Variants in PCDHGA4 observed in about 807,000 individuals in gnomAD.
PCDHGA4 encodes protocadherin gamma subfamily A, 4.
Under a neutral mutation model 54.6 loss-of-function variants are expected in PCDHGA4, and 38 were observed. That is an observed-to-expected ratio of 0.70 (90% CI 0.54 to 0.91). PCDHGA4 has a LOEUF of 0.91. Ranked by LOEUF, PCDHGA4 falls within the 40% of genes least tolerant of loss-of-function variation. The pLI is 0.00. For missense variants in PCDHGA4, 1,298 were observed against 1,220.9 expected, an observed-to-expected ratio of 1.06 and a Z score of -0.94; for synonymous variants, 511 against 512.9, an observed-to-expected ratio of 1.00 and a Z score of 0.05.
intron 1 of PCDHGA4, chr5:141,398,702 C>G: frequency 6.2e-7 from 1 of 1,613,832 alleles, no homozygotes; most frequent in Non-Finnish European, 8.5e-7. Flanking sequence ...AGTAAATACC[C>G]GGAACTGGCA....
At chr5:141,384,048 C>T in intron 1 of PCDHGA4, 2 of 1,611,890 alleles carry the variant, frequency 1.2e-6, no homozygotes, top group Non-Finnish European at 1.7e-6. Context: ...GTGAGGTGAC[C>T]TGCACCATTC....
In PCDHGA4 at chr5:141,485,867, G is replaced by T; in HGVS notation, c.2515-8940G>T. The T allele has an allele frequency of 6.2e-7, 1 of 1,614,164 alleles. No homozygotes were observed. Among genetic ancestry groups the T allele is most frequent in the Non-Finnish European group, 8.5e-7 (1 of 1,180,040 alleles). On this transcript the variant is annotated intron_variant, in intron 1 of 3. Transcript: ENST00000571252. The surrounding 1 kb of genome is among the most constrained non-coding windows in gnomAD (Gnocchi z 5.7). ...TGGCACCGCAGAGCTCCGGGTATCC[G>T]TGCTGGACGTAAACGACAACGCCCC...
chr5:141,410,796 G>T, intron 1 of PCDHGA4: 19 of 640,732 alleles, frequency 3.0e-5, no homozygotes, highest in South Asian at 1.4e-4. Flanking sequence ...TTCATAAGTT[G>T]CTCTATCTTT....
chr5:141,407,158 G>A (rs2094893881), intron 1 of PCDHGA4, among the ~76,000 whole-genome samples: 1 of 152,166 alleles, frequency 6.6e-6, no homozygotes, highest in African/African-American at 2.4e-5. Flanking sequence ...AAGTGTCTGG[G>A]AATCCTTTAT....
intron 1 of PCDHGA4, chr5:141,365,399 T>C: frequency 1.2e-6 from 2 of 1,614,008 alleles, no homozygotes; most frequent in Non-Finnish European, 1.7e-6. Context: ...CAGTTCGATC[T>C]CTGAAGACTG....
intron 1 of PCDHGA4, chr5:141,374,736 G>A (rs1770792620): frequency 1.9e-6 from 3 of 1,611,042 alleles, no homozygotes; most frequent in Non-Finnish European, 1.7e-6. Context: ...ATGGATGGCG[G>A]CGACCCTGTC....
At position 141,409,955 on chromosome 5, in the gene PCDHGA4, G is replaced by A. The variant is rs946959934; in HGVS notation, c.2514+52334G>A. On this transcript the variant is annotated intron_variant, in intron 1 of 3. Coordinates refer to ENST00000571252, the MANE Select transcript of PCDHGA4 (RefSeq NM_018917.4). ...TATGGTACCTCGCTCTGCAGAGCCC[G>A]GCTACCTAGTGACTAAGGTGGTAGC... is the stretch of plus-strand genomic sequence containing the variant. The A allele has an allele frequency of 2.8e-5, 45 of 1,613,234 alleles. No individual in the cohort carries two copies. The highest frequency in any genetic ancestry group is 3.6e-5 in the Non-Finnish European group (42 of 1,179,814).
Position 141,486,793 on chromosome 5 carries a change from G to C in PCDHGA4, c.2515-8014G>C. ...AGTTTGAGGTGCAGGCCCGGGATCG[G>C]GGCAACCCACCCCTTAGCAGCACTG... is the stretch of plus-strand genomic sequence containing the variant. On this transcript the variant is annotated intron_variant, in intron 1 of 3. Transcript: ENST00000571252. This position sits in a 1 kb window ranked among gnomAD's most constrained non-coding sequence, Gnocchi z 5.0. 6.2e-7 allele frequency: 1 copy of C among 1,614,244 alleles called. No homozygotes were observed. Among genetic ancestry groups the C allele is most frequent in the Non-Finnish European group, 8.5e-7 (1 of 1,180,050 alleles).
At chr5:141,398,818 C>G in intron 1 of PCDHGA4, 1 of 1,613,958 alleles carries the variant, frequency 6.2e-7, no homozygotes. Flanking sequence ...GCTCCGGATC[C>G]AGGTAACCGA....
At chr5:141,371,332 A>T (rs1481476869) in intron 1 of PCDHGA4, 1 of 1,613,988 alleles carries the variant, frequency 6.2e-7, no homozygotes, top group South Asian at 1.1e-5. Flanking sequence ...GAAGAGAGAG[A>T]TAGCTACACA....
In PCDHGA4 at chr5:141,493,468, T is replaced by C. The variant is rs960204561; in HGVS notation, c.2515-1339T>C. On this transcript the variant is annotated intron_variant, in intron 1 of 3. Transcript: ENST00000571252. The surrounding 1 kb of genome is among the most constrained non-coding windows in gnomAD (Gnocchi z 4.3). ...TGGGGTTCCTTCCCTTTTAGGACCT[T>C]ACATGTGGGGAAAGTCTTCTGTGGC... Among the ~76,000 whole-genome samples the C allele has an allele frequency of 4.6e-5, 7 of 152,144 alleles. No individual in the cohort carries two copies. Among genetic ancestry groups the C allele is most frequent in the African/African-American group, 1.4e-4 (6 of 41,426 alleles).
At chr5:141,458,080 C>T (rs62379190) in intron 1 of PCDHGA4, among the ~76,000 whole-genome samples, 5,138 of 152,230 alleles carry the variant, frequency 0.034, 100 homozygotes, top group Middle Eastern at 0.088. Flanking sequence ...ACTATATTGC[C>T]GTAAGTTAAG....
In PCDHGA4 at chr5:141,495,049, T is replaced by G. The variant is rs543734863; in HGVS notation, c.2573+184T>G. ...CCCCGGAAGGAAGAGGCGACTGCCC[T>G]GACTGTTCAGGAAGCTCAATTCACA... On this transcript the variant is annotated intron_variant, in intron 2 of 3. Coordinates refer to ENST00000571252, the MANE Select transcript of PCDHGA4 (RefSeq NM_018917.4). Among the ~76,000 whole-genome samples the G allele has an allele frequency of 5.6e-4, 86 of 152,312 alleles. 1 individual carries two copies. Among genetic ancestry groups the G allele is most frequent in the African/African-American group, 1.6e-3 (65 of 41,578 alleles).
chr5:141,393,535 T>G, intron 1 of PCDHGA4: 1 of 1,613,888 alleles, frequency 6.2e-7, no homozygotes, highest in Non-Finnish European at 8.5e-7. Context: ...AATGCCCCGG[T>G]TTTTCCTCAC....
intron 1 of PCDHGA4, among the ~76,000 whole-genome samples, chr5:141,460,804 T>C (rs2098998238): frequency 1.3e-5 from 2 of 152,020 alleles, no homozygotes; most frequent in African/African-American, 4.8e-5. Flanking sequence ...AGTATATATA[T>C]GTATGTATAC....
intron 1 of PCDHGA4, chr5:141,365,361 C>CGT: frequency 6.2e-7 from 1 of 1,613,832 alleles, no homozygotes; most frequent in African/African-American, 1.3e-5. Flanking sequence ...AATGACAATG[C>CGT]CCCCGAAGTG....
chr5:141,416,169 TAA>T (rs1350204040), intron 1 of PCDHGA4: 1 of 152,706 alleles, frequency 6.5e-6, no homozygotes, highest in African/African-American at 2.4e-5. Flanking sequence ...TTGAATATAC[TAA>T]GTTTTTCATT....
rs752708726 is a variant in PCDHGA4 at position 141,413,991 on chromosome 5, C to T, written c.2514+56370C>T. 1.9e-6 allele frequency: 3 copies of T among 1,613,494 alleles called. No homozygotes were observed. The East Asian group carries it at 6.7e-5, about 36-fold the overall frequency. ...AGCTGCTGACAGTCACAGCCACCGA[C>T]AGGGACGAAGGTGCCAATGGAGAAG... On this transcript the variant is annotated intron_variant, in intron 1 of 3. Coordinates refer to ENST00000571252, the MANE Select transcript of PCDHGA4 (RefSeq NM_018917.4).
Position 141,356,513 on chromosome 5 carries a change from T to G in PCDHGA4, c.1406T>G (p.Ile469Ser). ...GTPPLSTETH[I>S]SLQVMDINDN... Reference sequence around the variant, plus strand: ...CCTCCACTGTCTACAGAAACTCATATTTCACTGCAAGTGATGGACATCAAT... The same window carrying G: ...CCTCCACTGTCTACAGAAACTCATAGTTCACTGCAAGTGATGGACATCAAT... The change falls in exon 1 of 4, where the codon ATT (isoleucine) becomes AGT (serine). Residue 469 changes from isoleucine (I) to serine (S), a missense_variant. By Grantham distance (142) the Ile-to-Ser change is moderately radical. Coordinates refer to ENST00000571252, the MANE Select transcript of PCDHGA4 (RefSeq NM_018917.4). 2 of 1,614,030 alleles carry G rather than the reference T, an allele frequency of 1.2e-6. No homozygotes were observed. The highest frequency in any genetic ancestry group is 2.2e-5 in the South Asian group (2 of 91,086).
Sources: allele counts gnomAD v4.1 joint callset (sites outside exome capture counted in the v4.1 genomes callset), GRCh38; gene constraint gnomAD v4.1.1; non-coding constraint Gnocchi (gnomAD v3.1); transcripts MANE v1.5; gene names NCBI Gene and HGNC (gene_info 2026-07-23, HGNC 2026-07-21).